The following PIGZ variants were observed in gnomAD, a reference collection of about 807,000 sequenced individuals.
PIGZ encodes phosphatidylinositol glycan anchor biosynthesis class Z (Gwada blood group), also known as GPI alpha-1,2-mannosyltransferase 4.
In PIGZ, 16 loss-of-function variants were observed where a neutral mutation model predicts 16.4. The observed-to-expected ratio is 0.97, with a 90% CI of 0.66 to 1.48. The LOEUF (loss-of-function observed/expected upper bound fraction) is 1.48. PIGZ is among the 40% of genes most tolerant of loss of function. PIGZ has a pLI of 0.00. For missense variants in PIGZ, 770 were observed against 739.2 expected (o/e 1.04, Z -0.48); for synonymous variants, 409 against 338.4 (o/e 1.21, Z -2.29).
rs1717034233 is a variant in PIGZ, at chr3:196,948,423, G to A, written c.474C>T (p.Ala158=). ...CGTAGGAACCAGACAGCAGGGCCAG[G>A]GCGTTCCAGCGATCCGCCCCCATCG... ...APPMGADRWN[A]LALLSGSYVT... is the part of the protein sequence containing the mutation. Residue 158 remains alanine, a synonymous_variant, in exon 3 of 3, where the codon GCC becomes GCT. Transcript: ENST00000412723. The A allele has an allele frequency of 1.2e-6, 2 of 1,614,202 alleles. No individual in the cohort carries two copies. Among genetic ancestry groups the A allele is most frequent in the South Asian group, 1.1e-5 (1 of 91,092 alleles).
At chr3:196,954,903 C>A (rs1435233023) in intron 1 of PIGZ, among the ~76,000 whole-genome samples, 1 of 151,926 alleles carries the variant, frequency 6.6e-6, no homozygotes, top group African/African-American at 2.4e-5. Context: ...GTCATTAGAT[C>A]AAGCTTATTA....
At chr3:196,955,204 G>T (rs998373884) in intron 1 of PIGZ, among the ~76,000 whole-genome samples, 1 of 152,214 alleles carries the variant, frequency 6.6e-6, no homozygotes, top group Non-Finnish European at 1.5e-5. Flanking sequence ...CGGATTACAT[G>T]CATGAGCCAC....
chr3:196,956,667 T>C (rs1717502175), intron 1 of PIGZ, among the ~76,000 whole-genome samples: 1 of 152,264 alleles, frequency 6.6e-6, no homozygotes, highest in South Asian at 2.1e-4. Flanking sequence ...TTTAGCTCTC[T>C]TGGCTATATG....
At chr3:196,949,835 GACAAGC>G (rs1717196063) in intron 2 of PIGZ, among the ~76,000 whole-genome samples, 1 of 151,940 alleles carries the variant, frequency 6.6e-6, no homozygotes, top group East Asian at 1.9e-4. Flanking sequence ...AAAAGCCAAG[GACAAGC>G]ACCCTTGTCC....
At chr3:196,959,819 A>G (rs547583698) in intron 1 of PIGZ, among the ~76,000 whole-genome samples, 40 of 152,284 alleles carry the variant, frequency 2.6e-4, no homozygotes, top group Non-Finnish European at 4.9e-4. Context: ...TCCTTCCACT[A>G]TTCCTAGCTC....
In PIGZ at chr3:196,957,461, C is replaced by A. The variant is rs574608344; in HGVS notation, c.1-5430G>T. 2.6e-5 allele frequency among the ~76,000 whole-genome samples: 4 copies of A among 151,632 alleles called. No homozygotes were observed. The South Asian group carries it at 8.3e-4, about 31-fold the overall frequency. ...GCAGTGGCATGATCTCGGCTCACTG[C>A]AGCCTCTGCCTCCCAGGTTCAAGCA... is the stretch of plus-strand genomic sequence containing the variant. On this transcript the variant is annotated intron_variant, in intron 1 of 2. Transcript: ENST00000412723.
Position 196,948,226 on chromosome 3 carries a change from A to G in PIGZ, c.671T>C (p.Phe224Ser), listed in dbSNP as rs1374795129. 6.2e-7 allele frequency: 1 copy of G among 1,614,148 alleles called. No individual in the cohort carries two copies. Among genetic ancestry groups the G allele is most frequent in the South Asian group, 1.1e-5 (1 of 91,062 alleles). ...GGCCAGAAAGGTGGGCCGGTTGAAG[A>G]AGCCAGCAGCCACAATGCCTCCAAG... ...WLLGGIVAAG[F>S]FNRPTFLAFA... The change falls in exon 3 of 3, where the codon TTC becomes TCC. Residue 224 changes from phenylalanine to serine, a missense_variant. By Grantham distance (155) the Phe-to-Ser change is radical. Transcript: ENST00000412723.
At chr3:196,961,396 A>G (rs1168902559) in intron 1 of PIGZ, among the ~76,000 whole-genome samples, 2 of 152,272 alleles carry the variant, frequency 1.3e-5, no homozygotes, top group Middle Eastern at 3.4e-3. Flanking sequence ...TTTTGCATAA[A>G]ACATTTAGTT....
chr3:196,949,370 G>T (rs967783774), intron 2 of PIGZ, among the ~76,000 whole-genome samples: 1 of 152,204 alleles, frequency 6.6e-6, no homozygotes, highest in African/African-American at 2.4e-5. Flanking sequence ...AGAAGTGGCA[G>T]TGAGATTCAA....
chr3:196,968,032 G>C (rs985280659), intron 1 of PIGZ, among the ~76,000 whole-genome samples: 1 of 152,252 alleles, frequency 6.6e-6, no homozygotes. Context: ...CCTCATTACA[G>C]AACTTTCCCG....
Position 196,947,251 on chromosome 3 carries a change from G to C in PIGZ, c.1646C>G (p.Thr549Ser). The C allele has an allele frequency of 6.2e-7, 1 of 1,613,362 alleles. No homozygotes were observed. Among genetic ancestry groups the C allele is most frequent in the Middle Eastern group, 1.7e-4 (1 of 6,058 alleles). Residue 549 changes from threonine (T) to serine (S), a missense_variant, in exon 3 of 3, where the codon ACC becomes AGC. By Grantham distance (58) the Thr-to-Ser change is moderately conservative (BLOSUM62 1). Coordinates refer to ENST00000412723, the MANE Select transcript of PIGZ (RefSeq NM_025163.4). ...KNETLLFPHLTLEDPPALSSL... is the reference protein window; with the variant it reads ...KNETLLFPHLSLEDPPALSSL... ...GGACAGGGCTGGTGGATCCTCCAGG[G>C]TCAGATGGGGAAATAAAAGTGTTTC...
intron 1 of PIGZ, among the ~76,000 whole-genome samples, chr3:196,967,336 C>G (rs537846793): frequency 2.2e-4 from 33 of 152,270 alleles, no homozygotes; most frequent in African/African-American, 7.9e-4. Context: ...TCCGGAGTGG[C>G]AGGGCCATCA....
rs890055989 is a variant in PIGZ at position 196,948,566 on chromosome 3, C to T, written c.331G>A (p.Glu111Lys). 4 of 1,596,760 alleles carry T rather than the reference C, an allele frequency of 2.5e-6. No homozygotes were observed. In the South Asian group the frequency reaches 4.5e-5, roughly 18 times the overall value. ...AGGCCAGGCCACGGCCCCAGCTCCT[C>T]CCAGAGCCTGAGCAGCCAGAAGGTG... Reference protein sequence around the residue: ...GSTFWLLRLWEELGPWPGLVS... With the variant: ...GSTFWLLRLWKELGPWPGLVS... Residue 111 changes from glutamate (E) to lysine (K), a missense_variant, in exon 3 of 3, where the codon GAG becomes AAG. Physicochemically the swap from Glu to Lys is moderately conservative, Grantham distance 56. Coordinates refer to ENST00000412723, the MANE Select transcript of PIGZ (RefSeq NM_025163.4).
chr3:196,968,639 TC>T (rs995349833), intron 1 of PIGZ, 47 bp downstream of exon 1: 3 of 152,176 alleles, frequency 2.0e-5, no homozygotes, highest in African/African-American at 7.2e-5. Flanking sequence ...CCGCTCGCCC[TC>T]CCCGCACCCG....
chr3:196,949,236 T>C (rs1264231763), intron 2 of PIGZ, among the ~76,000 whole-genome samples: 1 of 151,890 alleles, frequency 6.6e-6, no homozygotes, highest in Non-Finnish European at 1.5e-5. Flanking sequence ...GCCCGCAGGA[T>C]GGACTGTATC....
intron 1 of PIGZ, among the ~76,000 whole-genome samples, chr3:196,964,499 A>T (rs1190265480): frequency 6.6e-6 from 1 of 152,058 alleles, no homozygotes; most frequent in African/African-American, 2.4e-5. Flanking sequence ...CTGGGACTAC[A>T]GGCACGCATC....
chr3:196,947,819 G>C lies in PIGZ; in HGVS notation c.1078C>G (p.Arg360Gly), dbSNP rs150517093. 7 of 1,608,712 alleles carry C rather than the reference G, an allele frequency of 4.4e-6. No homozygotes were observed. In the African/African-American group the frequency reaches 5.4e-5, roughly 12 times the overall value. Reference protein sequence around the residue: ...QMGLLRALGARSLLSSPRSYL... With the variant: ...QMGLLRALGAGSLLSSPRSYL... Reference sequence around the variant, plus strand: ...GACCTGGGGCTGGACAGCAGGCTCCGGGCACCCAGTGCCCTCAGGAGGCCC... The same window carrying C: ...GACCTGGGGCTGGACAGCAGGCTCCCGGCACCCAGTGCCCTCAGGAGGCCC... Residue 360 changes from arginine to glycine, a missense_variant, in exon 3 of 3, where the codon CGG becomes GGG. Coordinates refer to ENST00000412723, the MANE Select transcript of PIGZ (RefSeq NM_025163.4).
intron 1 of PIGZ, among the ~76,000 whole-genome samples, chr3:196,953,356 A>G (rs546671503): frequency 1.3e-5 from 2 of 152,264 alleles, no homozygotes; most frequent in South Asian, 4.2e-4. Context: ...AAGTCAACGG[A>G]TGCCACCCAT....
rs1316370732 is a variant in PIGZ, at chr3:196,965,610, C to T, written c.-1+3077G>A. 6.6e-6 allele frequency among the ~76,000 whole-genome samples: 1 copy of T among 152,148 alleles called. No homozygotes were observed. Among genetic ancestry groups the T allele is most frequent in the African/African-American group, 2.4e-5 (1 of 41,424 alleles). ...TATTCCTTGAACCCAGCTCTTGTTCCTCATTCTCCACTGTCATTGTCTGAG... is the reference window on the plus strand; with the variant it reads ...TATTCCTTGAACCCAGCTCTTGTTCTTCATTCTCCACTGTCATTGTCTGAG... On this transcript the variant is annotated intron_variant, in intron 1 of 2. Transcript: ENST00000412723. This position sits in a 1 kb window ranked among gnomAD's most constrained non-coding sequence, Gnocchi z 4.2.
Sources: gnomAD v4.1 joint callset for allele counts (sites outside exome capture counted in the v4.1 genomes callset) on GRCh38, gnomAD v4.1.1 for gene constraint, Gnocchi (gnomAD v3.1) non-coding constraint, MANE v1.5 for transcripts, NCBI Gene and HGNC (gene_info 2026-07-23, HGNC 2026-07-21) for gene names.